TBC1D22A: variants seen among roughly 807,000 people sequenced by gnomAD.
TBC1D22A encodes the protein TBC1 domain family member 22A, also known as putative GTPase activator.
TBC1D22A carries 38 observed loss-of-function variants against 60.2 expected under a neutral mutation model. The ratio of observed to expected loss-of-function variants is 0.63; its 90% CI spans 0.49 to 0.83. The LOEUF (loss-of-function observed/expected upper bound fraction) is 0.83. Among genes scored for constraint, TBC1D22A ranks in the 40% least tolerant of loss-of-function variants. The pLI is 0.00. For missense variants in TBC1D22A, 628 were observed against 701.0 expected, an observed-to-expected ratio of 0.90 and a Z score of 1.18; for synonymous variants, 302 against 281.7, an observed-to-expected ratio of 1.07 and a Z score of -0.72.
chr22:47,008,974 A>G (rs544092216), intron 10 of TBC1D22A, among the ~76,000 whole-genome samples: 2 of 152,254 alleles, frequency 1.3e-5, no homozygotes, highest in Non-Finnish European at 2.9e-5. Context: ...AGAGGAGGAA[A>G]GGACTTATTA....
intron 12 of TBC1D22A, among the ~76,000 whole-genome samples, chr22:47,112,895 G>T (rs992022382): frequency 3.9e-5 from 6 of 152,198 alleles, no homozygotes; most frequent in African/African-American, 1.4e-4. Context: ...CTGGGGCTGG[G>T]GCCTCCTGGC....
At chr22:47,104,685 ACT>A (rs1420338525) in intron 11 of TBC1D22A, among the ~76,000 whole-genome samples, 1 of 134,704 alleles carries the variant, frequency 7.4e-6, no homozygotes, top group East Asian at 2.1e-4. Context: ...ACAGAGAAAG[ACT>A]CTGTCTCAAA....
At chr22:47,057,079 G>A (rs2063418788) in intron 11 of TBC1D22A, among the ~76,000 whole-genome samples, 1 of 152,222 alleles carries the variant, frequency 6.6e-6, no homozygotes, top group African/African-American at 2.4e-5. Context: ...CCGGGTCTGT[G>A]GCATTCTGGC....
intron 7 of TBC1D22A, among the ~76,000 whole-genome samples, chr22:46,904,588 G>A (rs967191132): frequency 6.1e-5 from 9 of 146,852 alleles, no homozygotes; most frequent in South Asian, 2.2e-4. Flanking sequence ...CCTGCCTCAG[G>A]CTCCCGAGTA....
chr22:46,789,118 T>C (rs1406875013), intron 1 of TBC1D22A: 3 of 164,722 alleles, frequency 1.8e-5, no homozygotes, highest in African/African-American at 7.4e-5. Context: ...TTAAGGAATC[T>C]TCCTTCTTTT....
intron 4 of TBC1D22A, among the ~76,000 whole-genome samples, chr22:46,815,952 G>A (rs901344078): frequency 6.6e-6 from 1 of 152,188 alleles, no homozygotes; most frequent in African/African-American, 2.4e-5. Context: ...TGCGCCATGG[G>A]CAGGTAGGTC....
At chr22:46,915,016 G>C (rs1040712519) in intron 8 of TBC1D22A, 2 of 228,438 alleles carry the variant, frequency 8.8e-6, no homozygotes, top group African/African-American at 4.5e-5. Flanking sequence ...CATTCAGAGA[G>C]GGCAGCAGAA....
At chr22:47,132,244 C>T (rs774673196) in intron 12 of TBC1D22A, among the ~76,000 whole-genome samples, 10 of 152,160 alleles carry the variant, frequency 6.6e-5, no homozygotes, top group Admixed American at 6.5e-5. Context: ...TCAGGCCTGG[C>T]GGTTGCACCC....
chr22:46,886,735 A>T (rs1446406977), intron 5 of TBC1D22A, among the ~76,000 whole-genome samples: 1 of 152,218 alleles, frequency 6.6e-6, no homozygotes, highest in Non-Finnish European at 1.5e-5. Context: ...GATGTTTTAG[A>T]GCACGGTTGG....
At chr22:47,055,958 A>G (rs985560289) in intron 11 of TBC1D22A, among the ~76,000 whole-genome samples, 27 of 128,192 alleles carry the variant, frequency 2.1e-4, no homozygotes, top group Middle Eastern at 3.8e-3. Flanking sequence ...ATTTGGCTCC[A>G]TGGGAAGGAA....
intron 4 of TBC1D22A, among the ~76,000 whole-genome samples, chr22:46,848,902 T>A (rs202067309): frequency 1.4e-5 from 2 of 144,306 alleles, no homozygotes; most frequent in Non-Finnish European, 3.0e-5. Context: ...TTTTTTTTTT[T>A]AAACTCCTAT....
intron 4 of TBC1D22A, among the ~76,000 whole-genome samples, chr22:46,852,871 T>C (rs368836077): frequency 2.0e-5 from 3 of 152,190 alleles, no homozygotes; most frequent in African/African-American, 7.2e-5. Flanking sequence ...TGGAGTTCCA[T>C]GTCACTGGCG....
chr22:46,940,713 T>TACACAC (rs142864335), intron 8 of TBC1D22A, among the ~76,000 whole-genome samples: 1 of 129,682 alleles, frequency 7.7e-6, no homozygotes, highest in Admixed American at 8.0e-5. Flanking sequence ...TGTATGTATA[T>TACACAC]ACACACACAC....
At chr22:46,903,812 G>A (rs1423628017) in intron 7 of TBC1D22A, among the ~76,000 whole-genome samples, 2 of 152,174 alleles carry the variant, frequency 1.3e-5, no homozygotes, top group Non-Finnish European at 2.9e-5. Flanking sequence ...ACTGTCTAAG[G>A]CAGCAGTGGA....
At chr22:46,779,569 C>T (rs2083852076) in intron 1 of TBC1D22A, among the ~76,000 whole-genome samples, 1 of 152,126 alleles carries the variant, frequency 6.6e-6, no homozygotes, top group African/African-American at 2.4e-5. Context: ...AGGACAATTT[C>T]AAAATACTTC....
chr22:46,940,318 C>G (rs1250846526), intron 8 of TBC1D22A, among the ~76,000 whole-genome samples: 1 of 152,062 alleles, frequency 6.6e-6, no homozygotes, highest in African/African-American at 2.4e-5. Flanking sequence ...GAGCAAAGCA[C>G]AATACAACAA....
intron 10 of TBC1D22A, among the ~76,000 whole-genome samples, chr22:47,026,357 G>T (rs1012655915): frequency 6.6e-6 from 1 of 152,154 alleles, no homozygotes; most frequent in South Asian, 2.1e-4. Context: ...ACTTCTGTCC[G>T]GTGTGTATAC....
intron 1 of TBC1D22A, among the ~76,000 whole-genome samples, chr22:46,780,884 A>G (rs2083905259): frequency 6.6e-6 from 1 of 152,254 alleles, no homozygotes; most frequent in African/African-American, 2.4e-5. Context: ...GGCCTTAGCT[A>G]TCCAGAAGTA....
chr22:46,785,218 T>C (rs1317955480), intron 1 of TBC1D22A, among the ~76,000 whole-genome samples: 4 of 152,124 alleles, frequency 2.6e-5, no homozygotes, highest in Non-Finnish European at 5.9e-5. Flanking sequence ...GGGGCTGGAA[T>C]TATAAGAGGG....
Sources: gnomAD v4.1 joint callset for allele counts (sites outside exome capture counted in the v4.1 genomes callset) on GRCh38, gnomAD v4.1.1 for gene constraint, MANE v1.5 for transcripts, NCBI Gene and HGNC (gene_info 2026-07-23, HGNC 2026-07-21) for gene names.